HMCN1: variants seen among roughly 807,000 people sequenced by gnomAD.
HMCN1 encodes the protein hemicentin-1.
HMCN1 carries 321 observed loss-of-function variants against 625.9 expected under a neutral mutation model. That is an observed-to-expected ratio of 0.51 (90% CI 0.47 to 0.56). The LOEUF (loss-of-function observed/expected upper bound fraction) is 0.56, where lower values mean the gene tolerates loss of function less well. Among genes scored for constraint, HMCN1 ranks in the 20% least tolerant of loss-of-function variants. The pLI, the probability that HMCN1 is intolerant of heterozygous loss-of-function variation, is 0.00. For missense variants in HMCN1, 6,588 were observed against 6,887.3 expected, an observed-to-expected ratio of 0.96 and a Z score of 1.54; for synonymous variants, 2,425 against 2,417.6, an observed-to-expected ratio of 1.00 and a Z score of -0.09.
intron 10 of HMCN1, 78 bp from the exon 11 acceptor site, chr1:185,933,471 T>C (rs890533861): frequency 1.4e-6 from 2 of 1,396,368 alleles, no homozygotes; most frequent in Non-Finnish European, 2.0e-6. Flanking sequence ...TACATACTTA[T>C]TCAGTTTTTA....
intron 1 of HMCN1, among the ~76,000 whole-genome samples, chr1:185,827,008 C>G (rs547365525): frequency 6.6e-6 from 1 of 151,440 alleles, no homozygotes; most frequent in Non-Finnish European, 1.5e-5. Context: ...AACCTTGTCT[C>G]TACTAAAAAT....
chr1:185,788,123 T>C (rs528591870), intron 1 of HMCN1, among the ~76,000 whole-genome samples: 13 of 152,354 alleles, frequency 8.5e-5, no homozygotes, highest in African/African-American at 3.1e-4. Flanking sequence ...GAGTTTGAAA[T>C]GTATGCTATT....
Position 186,119,862 on chromosome 1 carries a change from G to A in HMCN1, c.12074G>A (p.Gly4025Asp), listed in dbSNP as rs146671871. ...CCTTTCATTACTTGGCAAAAAGAAGGCATCAATGTTAACACTTCAGGTACC... is the reference window on the plus strand; with the variant it reads ...CCTTTCATTACTTGGCAAAAAGAAGACATCAATGTTAACACTTCAGGTACC... ...PSPFITWQKE[G>D]INVNTSGRNH... Residue 4025 changes from glycine (G) to aspartate (D), a missense_variant, in exon 79 of 107, where the codon GGC (glycine) becomes GAC (aspartate). Around this residue, in one of 3 missense-constraint regions of HMCN1, gnomAD observed 6 missense variants for 21.1 expected, o/e 0.28. Coordinates refer to ENST00000271588, the MANE Select transcript of HMCN1 (RefSeq NM_031935.3). 1.1e-3 allele frequency: 1,852 copies of A among 1,614,032 alleles called. No individual in the cohort carries two copies. Among genetic ancestry groups the A allele is most frequent in the Non-Finnish European group, 1.4e-3 (1,685 of 1,179,968 alleles).
chr1:185,972,873 G>A (rs907780836), intron 15 of HMCN1, among the ~76,000 whole-genome samples: 14 of 152,072 alleles, frequency 9.2e-5, no homozygotes, highest in Non-Finnish European at 1.8e-4. Flanking sequence ...GAATAACAAA[G>A]GTTGAACAGA....
chr1:186,100,816 G>GTTCT (rs1660349879), intron 68 of HMCN1, among the ~76,000 whole-genome samples: 1 of 152,104 alleles, frequency 6.6e-6, no homozygotes, highest in Non-Finnish European at 1.5e-5. Flanking sequence ...AATATTTTCA[G>GTTCT]TTCTTTTGAA....
At chr1:186,160,519 T>C (rs1377439336) in intron 97 of HMCN1, among the ~76,000 whole-genome samples, 2 of 151,656 alleles carry the variant, frequency 1.3e-5, no homozygotes, top group African/African-American at 4.8e-5. Context: ...TGTTAGGGTG[T>C]CAATTTTGGA....
intron 76 of HMCN1, 122 bp downstream of exon 76, chr1:186,117,237 C>G: frequency 7.4e-7 from 1 of 1,355,066 alleles, no homozygotes; most frequent in East Asian, 2.4e-5. Flanking sequence ...TTCAGGGGTA[C>G]ACATGCAGGT....
intron 1 of HMCN1, among the ~76,000 whole-genome samples, chr1:185,744,100 T>C (rs1484623584): frequency 6.8e-6 from 1 of 147,810 alleles, no homozygotes; most frequent in African/African-American, 2.5e-5. Context: ...GCCATTCTCC[T>C]GCCTCAGCCT....
intron 6 of HMCN1, among the ~76,000 whole-genome samples, chr1:185,921,748 A>T (rs1667017419): frequency 6.6e-6 from 1 of 152,194 alleles, no homozygotes; most frequent in African/African-American, 2.4e-5. Flanking sequence ...ACTCTTGTTC[A>T]TAAGTCTTAG....
chr1:185,891,428 A>G (rs1665074312), intron 4 of HMCN1, among the ~76,000 whole-genome samples: 1 of 148,428 alleles, frequency 6.7e-6, no homozygotes, highest in Admixed American at 6.6e-5. Context: ...ACATTTTGGC[A>G]TGATTTTGCA....
At chr1:186,022,424 G>A (rs974754713) in intron 35 of HMCN1, among the ~76,000 whole-genome samples, 1 of 152,146 alleles carries the variant, frequency 6.6e-6, no homozygotes, top group Non-Finnish European at 1.5e-5. Context: ...GTAGAGGAGA[G>A]TATGAGCTTA....
chr1:185,873,125 A>G (rs1331413826), intron 4 of HMCN1, among the ~76,000 whole-genome samples: 2 of 152,134 alleles, frequency 1.3e-5, no homozygotes, highest in South Asian at 2.1e-4. Context: ...AAAGAAATAA[A>G]CCTATTTATT....
chr1:185,911,881 A>G, intron 6 of HMCN1, 101 bp downstream of exon 6: 1 of 877,604 alleles, frequency 1.1e-6, no homozygotes, highest in Non-Finnish European at 1.9e-6. Context: ...TCTTGCTATC[A>G]TGGAGAGTGC....
intron 35 of HMCN1, among the ~76,000 whole-genome samples, chr1:186,019,921 G>A (rs1453790090): frequency 6.6e-6 from 1 of 151,952 alleles, no homozygotes; most frequent in Non-Finnish European, 1.5e-5. Context: ...TTTGAAGATA[G>A]TGATCATTAT....
At chr1:186,095,634 T>C (rs987556661) in intron 68 of HMCN1, 113 bp downstream of exon 68, 2 of 1,140,554 alleles carry the variant, frequency 1.8e-6, no homozygotes, top group African/African-American at 3.2e-5. Context: ...TTTTAAAAAA[T>C]TTTTATTGCA....
rs1392671422 is a variant in HMCN1 at position 186,015,218 on chromosome 1, C to T, written c.4690C>T (p.Leu1564Phe). ...TTDISVLINS[L>F]IKLECETRGL... Reference sequence around the variant, plus strand: ...AGACATATCAGTATTGATCAACAGCCTTATTAAACTGGAATGTGAAACACG... The same window carrying T: ...AGACATATCAGTATTGATCAACAGCTTTATTAAACTGGAATGTGAAACACG... The change falls in exon 31 of 107, where the codon CTT becomes TTT. Residue 1564 changes from leucine to phenylalanine, a missense_variant. Around this residue, in one of 3 missense-constraint regions of HMCN1, gnomAD observed 4,628 missense variants for 4,853.1 expected, o/e 0.95. Coordinates refer to ENST00000271588, the MANE Select transcript of HMCN1 (RefSeq NM_031935.3). The T allele has an allele frequency of 4.3e-6, 7 of 1,613,470 alleles. No homozygotes were observed. The highest frequency in any genetic ancestry group is 5.9e-6 in the Non-Finnish European group (7 of 1,179,630).
At chr1:186,079,169 C>G (rs1659013429) in intron 55 of HMCN1, among the ~76,000 whole-genome samples, 1 of 152,062 alleles carries the variant, frequency 6.6e-6, no homozygotes, top group Non-Finnish European at 1.5e-5. Context: ...AGCTCTCTTA[C>G]ACTGTCCCCC....
At chr1:185,775,108 T>G (rs994243404) in intron 1 of HMCN1, among the ~76,000 whole-genome samples, 1 of 152,298 alleles carries the variant, frequency 6.6e-6, no homozygotes, top group Admixed American at 6.5e-5. Context: ...ATTCTCAAGG[T>G]CAGGTAGATT....
intron 15 of HMCN1, among the ~76,000 whole-genome samples, chr1:185,972,923 C>T (rs1433324887): frequency 6.6e-6 from 1 of 152,058 alleles, no homozygotes; most frequent in African/African-American, 2.4e-5. Flanking sequence ...CATATTCTAG[C>T]AGATATAATA....
Sources: allele counts gnomAD v4.1 joint callset (sites outside exome capture counted in the v4.1 genomes callset), GRCh38; gene constraint gnomAD v4.1.1; regional missense constraint gnomAD v4.1.1; transcripts MANE v1.5; gene names NCBI Gene and HGNC (gene_info 2026-07-23, HGNC 2026-07-21).